Variants in EMG1 observed in about 807,000 individuals in gnomAD.
EMG1 encodes ribosomal RNA small subunit methyltransferase NEP1.
In EMG1, 24 loss-of-function variants were observed where a neutral mutation model predicts 26.9. That is an observed-to-expected ratio of 0.89 (90% CI 0.65 to 1.26). EMG1 has a LOEUF of 1.26. Ranked by LOEUF, EMG1 falls within the 50% of genes most tolerant of loss-of-function variation. The pLI is 0.00. For synonymous variants in EMG1, 140 were observed against 112.6 expected, an observed-to-expected ratio of 1.24 and a Z score of -1.54; for missense variants, 299 against 307.6, an observed-to-expected ratio of 0.97 and a Z score of 0.21.
chr12:6,981,601 T>G, downstream of EMG1: 1 of 1,614,104 alleles, frequency 6.2e-7, no homozygotes, highest in East Asian at 2.2e-5. Flanking sequence ...TTACCTGATC[T>G]TTCCCTCCGT....
downstream of EMG1, chr12:6,980,070 C>T: frequency 7.1e-6 from 1 of 141,618 alleles, no homozygotes; most frequent in Non-Finnish European, 1.5e-5. Context: ...TTTCTAGAGT[C>T]AGGGCCTTGC....
intron 3 of EMG1, 44 bp from the exon 4 acceptor site, chr12:6,975,046 C>CT (rs1565594493): frequency 1.3e-6 from 2 of 1,583,982 alleles, no homozygotes; most frequent in Admixed American, 3.3e-5. Flanking sequence ...GACAGAAGGA[C>CT]TGTGGTCTCC....
chr12:6,993,222 G>A (rs1447524045), downstream of EMG1, among the ~76,000 whole-genome samples: 2 of 152,042 alleles, frequency 1.3e-5, no homozygotes, highest in African/African-American at 2.4e-5. Context: ...GGCAGATCAC[G>A]AGGTCAGGAG....
downstream of EMG1, chr12:6,981,139 A>C: frequency 6.2e-7 from 1 of 1,613,826 alleles, no homozygotes. Context: ...CAGGGAAGGA[A>C]CACCACGTAT....
Position 6,979,716 on chromosome 12 carries a change from A to G in EMG1, c.*3907A>G. 3.1e-6 allele frequency: 2 copies of G among 640,670 alleles called. No homozygotes were observed. The highest frequency in any genetic ancestry group is 2.6e-5 in the Admixed American group (1 of 37,818). 39.7% of individuals were successfully genotyped at this position (640,670 alleles called of 1,614,324 possible). The stretch of plus-strand genomic sequence containing the variant: ...ATGGGATGAGAAGCTCTGCTGCCCA[A>G]AGTGTTTCCTGTTTCAGGGAAAGAT... On this transcript the variant is annotated 3_prime_UTR_variant, in exon 6 of 6. Coordinates refer to ENST00000599672, the MANE Select transcript of EMG1 (RefSeq NM_006331.8).
Position 6,976,901 on chromosome 12 carries a change from A to C in EMG1, c.*1092A>C. 2.1e-6 allele frequency: 1 copy of C among 471,908 alleles called. No homozygotes were observed. Among genetic ancestry groups the C allele is most frequent in the South Asian group, 2.4e-5 (1 of 41,652 alleles). The allele number at this position is 471,908 out of a possible 1,614,324, so 29.2% of individuals were successfully genotyped here. On this transcript the variant is annotated 3_prime_UTR_variant, in exon 6 of 6. Transcript: ENST00000599672. ...GTCCCGCACAGGCCACCTGCAAGAC[A>C]AGAGGAGTTTGGAAGGCTGGTTAGT... is the stretch of plus-strand genomic sequence containing the variant.
chr12:6,971,201 C>T (rs921125150), intron 1 of EMG1, 110 bp downstream of exon 1: 6 of 884,356 alleles, frequency 6.8e-6, no homozygotes, highest in Admixed American at 2.2e-5. Flanking sequence ...GTGAAAGATG[C>T]TTTTGAAGGA....
At chr12:6,973,166 T>C (rs1946353069) in intron 1 of EMG1, among the ~76,000 whole-genome samples, 1 of 151,960 alleles carries the variant, frequency 6.6e-6, no homozygotes. Context: ...ATCTGTACCT[T>C]TGCTCATGCC....
At chr12:6,993,314 G>A (rs1555155721) in intron 7 of EMG1, among the ~76,000 whole-genome samples, 2 of 151,504 alleles carry the variant, frequency 1.3e-5, no homozygotes, top group African/African-American at 2.4e-5. Flanking sequence ...CCTGCCTGTA[G>A]TCCCAGCTAC....
rs1329241070 is a variant in EMG1, at chr12:6,977,942, G to A, written c.*2133G>A. On this transcript the variant is annotated 3_prime_UTR_variant, in exon 6 of 6. Transcript: ENST00000599672. The surrounding 1 kb of genome is among the most constrained non-coding windows in gnomAD (Gnocchi z 4.5). The stretch of plus-strand genomic sequence containing the variant: ...CAGACCCAAGGCGGAGCTGGAGACC[G>A]TGTGCGCACGAGCCACTTGGTTCAG... 6 of 619,910 alleles carry A rather than the reference G, an allele frequency of 9.7e-6. No homozygotes were observed. The highest frequency in any genetic ancestry group is 1.8e-5 in the African/African-American group (1 of 54,138). 38.4% of individuals were successfully genotyped at this position (619,910 alleles called of 1,614,324 possible). A position where few individuals can be genotyped will look rare whatever the true frequency, so the allele number is the denominator to read the frequency against.
downstream of EMG1, among the ~76,000 whole-genome samples, chr12:6,988,953 G>A (rs1946559073): frequency 6.6e-6 from 1 of 151,966 alleles, no homozygotes; most frequent in Non-Finnish European, 1.5e-5. Context: ...GAGAAACCCT[G>A]TCTCTACTAA....
chr12:6,975,586 T>C, intron 5 of EMG1, 110 bp from the exon 6 acceptor site: 3 of 986,036 alleles, frequency 3.0e-6, no homozygotes, highest in East Asian at 2.4e-5. Context: ...GGATTTGATA[T>C]TCAACAGCAC....
chr12:6,979,090 T>C lies in EMG1; in HGVS notation c.*3281T>C. ...GCTGGGCAGGAGCAAAAGCCAGCACTTCCCCCCTTCCCTTGGTTTCTGAAT... is the reference window on the plus strand; with the variant it reads ...GCTGGGCAGGAGCAAAAGCCAGCACCTCCCCCCTTCCCTTGGTTTCTGAAT... On this transcript the variant is annotated 3_prime_UTR_variant, in exon 6 of 6. Transcript: ENST00000599672. 1 of 295,974 alleles carries C rather than the reference T, an allele frequency of 3.4e-6. No homozygotes were observed. The highest frequency in any genetic ancestry group is 5.8e-5 in the South Asian group (1 of 17,358). The allele number at this position is 295,974 out of a possible 1,614,324, so 18.3% of individuals were successfully genotyped here.
chr12:6,986,383 A>G lies in EMG1; in HGVS notation c.*155-1399A>G, dbSNP rs939660728. On this transcript the variant is annotated intron_variant and NMD_transcript_variant, in intron 6 of 7. Transcript: ENST00000261406. ...CATTTTCTTTTCTATAGTTTACTTTATGGTAAGAAATACATATATAACACA... is the reference window on the plus strand; with the variant it reads ...CATTTTCTTTTCTATAGTTTACTTTGTGGTAAGAAATACATATATAACACA... Among the ~76,000 whole-genome samples, 337 of 152,304 alleles carry G rather than the reference A, an allele frequency of 2.2e-3. 1 individual carries two copies. The highest frequency in any genetic ancestry group is 7.8e-3 in the African/African-American group (322 of 41,544).
downstream of EMG1, among the ~76,000 whole-genome samples, chr12:6,982,247 C>G (rs782199231): frequency 1.6e-4 from 25 of 152,178 alleles, no homozygotes; most frequent in African/African-American, 6.0e-4. Context: ...CCATGTTGCC[C>G]GGGTTAGTCT....
chr12:6,981,214 T>C (rs1328165150), downstream of EMG1: 1 of 1,556,904 alleles, frequency 6.4e-7, no homozygotes, highest in Non-Finnish European at 8.7e-7. Flanking sequence ...TGGTTCAGGA[T>C]AGCCTTGAAT....
chr12:6,978,130 G>A lies in EMG1; in HGVS notation c.*2321G>A, dbSNP rs1555153553. The A allele has an allele frequency of 2.3e-5, 14 of 603,246 alleles. 1 individual carries two copies. Among genetic ancestry groups the A allele is most frequent in the South Asian group, 1.3e-4 (6 of 47,854 alleles). The allele number at this position is 603,246 out of a possible 1,614,324, so 37.4% of individuals were successfully genotyped here. A position where few individuals can be genotyped will look rare whatever the true frequency, so the allele number is the denominator to read the frequency against. On this transcript the variant is annotated 3_prime_UTR_variant, in exon 6 of 6. Transcript: ENST00000599672. ...GCTGGAGTAACACCCAGGTCTTAAC[G>A]CACTTTTATATCTTGCCTTTTTTTC... is the stretch of plus-strand genomic sequence containing the variant.
chr12:6,981,162 T>C, downstream of EMG1: 1 of 1,611,344 alleles, frequency 6.2e-7, no homozygotes, highest in Non-Finnish European at 8.5e-7. Context: ...CATATTTCTG[T>C]TGCTCAGAGG....
At chr12:6,981,259 T>G (rs1804296198), downstream of EMG1, 1 of 1,196,606 alleles carries the variant, frequency 8.4e-7, no homozygotes, top group Non-Finnish European at 1.2e-6. Flanking sequence ...GTTCCCCACC[T>G]GTGTGCCCCA....
Sources: gnomAD v4.1 joint callset for allele counts (sites outside exome capture counted in the v4.1 genomes callset) on GRCh38, gnomAD v4.1.1 for gene constraint, Gnocchi (gnomAD v3.1) non-coding constraint, MANE v1.5 for transcripts, NCBI Gene and HGNC (gene_info 2026-07-23, HGNC 2026-07-21) for gene names.